ABCC5: variants seen among roughly 807,000 people sequenced by gnomAD.
ABCC5 encodes the protein ATP binding cassette subfamily C member 5, also known as ATP-binding cassette sub-family C member 5.
A neutral mutation model predicts 160.9 loss-of-function variants in ABCC5; 61 were observed. The observed-to-expected ratio is 0.38, with a 90% CI of 0.31 to 0.47. The LOEUF (loss-of-function observed/expected upper bound fraction) is 0.47. ABCC5 is among the 20% of genes least tolerant of loss of function. The pLI is 0.99. For synonymous variants in ABCC5, 666 were observed against 700.6 expected (o/e 0.95, Z 0.78); for missense variants, 1,308 against 1,813.3 (o/e 0.72, Z 5.06).
chr3:183,965,235 A>C lies in ABCC5; in HGVS notation c.1981T>G (p.Cys661Gly). 6.2e-7 allele frequency: 1 copy of C among 1,614,244 alleles called. No homozygotes were observed. Among genetic ancestry groups the C allele is most frequent in the Admixed American group, 1.7e-5 (1 of 60,034 alleles). Residue 661 changes from cysteine (C) to glycine (G), a missense_variant, in exon 14 of 30, where the codon TGC becomes GGC. Coordinates refer to ENST00000334444, the MANE Select transcript of ABCC5 (RefSeq NM_005688.4). ...EERYNSVLNS[C>G]CLRPDLAILP... ...ATGGCCAGGTCAGGCCTCAGGCAGC[A>C]GCTGTTCAGCACAGAGTTGTATCTG...
At chr3:184,015,090 T>C (rs1276599836) in intron 1 of ABCC5, among the ~76,000 whole-genome samples, 1 of 152,114 alleles carries the variant, frequency 6.6e-6, no homozygotes, top group Non-Finnish European at 1.5e-5. Context: ...AGTGAATACA[T>C]TGAAAAAAAA....
intron 10 of ABCC5, 69 bp from the exon 11 acceptor site, chr3:183,971,988 C>T (rs759695838): frequency 1.0e-5 from 16 of 1,603,286 alleles, no homozygotes; most frequent in South Asian, 3.3e-5. Context: ...AAGCCTAGGG[C>T]GTACACTCAC....
chr3:183,967,625 T>C, intron 12 of ABCC5, 70 bp downstream of exon 12: 1 of 1,346,860 alleles, frequency 7.4e-7, no homozygotes, highest in South Asian at 1.2e-5. Flanking sequence ...TCCAGGAAAT[T>C]TGTTCGTTTT....
At chr3:183,930,659 G>A (rs1274069023) in intron 26 of ABCC5, among the ~76,000 whole-genome samples, 5 of 152,150 alleles carry the variant, frequency 3.3e-5, no homozygotes, top group Admixed American at 3.3e-4. Flanking sequence ...AGGCCAGAGG[G>A]ATGCATCCAA....
Position 183,949,903 on chromosome 3 carries a change from T to G in ABCC5, c.3099-22A>C, listed in dbSNP as rs1225946533. On this transcript the variant is annotated intron_variant, in intron 21 of 29. Transcript: ENST00000334444. This position sits in a 1 kb window ranked among gnomAD's most constrained non-coding sequence, Gnocchi z 4.2. ...GACCCTGGAGAGAGAATGAGCTCCGTGTCACAGCACCTACCCAGCAACTGA... is the reference window on the plus strand; with the variant it reads ...GACCCTGGAGAGAGAATGAGCTCCGGGTCACAGCACCTACCCAGCAACTGA... 6.2e-7 allele frequency: 1 copy of G among 1,614,186 alleles called. No homozygotes were observed. The highest frequency in any genetic ancestry group is 8.5e-7 in the Non-Finnish European group (1 of 1,180,014).
intron 17 of ABCC5, among the ~76,000 whole-genome samples, chr3:183,956,191 A>T (rs1424327501): frequency 3.6e-3 from 261 of 71,912 alleles, no homozygotes; most frequent in Middle Eastern, 9.4e-3. Context: ...TCCGTGTGTA[A>T]ATCACATCGG....
intron 27 of ABCC5, among the ~76,000 whole-genome samples, chr3:183,928,125 T>A (rs1712781811): frequency 6.6e-6 from 1 of 151,956 alleles, no homozygotes; most frequent in Non-Finnish European, 1.5e-5. Context: ...TTTTTTTTTT[T>A]TTTTGAGACA....
chr3:183,921,494 A>G lies in ABCC5; in HGVS notation c.4213-93T>C. ...GCTCAGTAAGTGCCAGTGCCCTCTG[A>G]GGGTAGAATCTGGGGACAATTCAAC... is the stretch of plus-strand genomic sequence containing the variant. On this transcript the variant is annotated intron_variant, in intron 29 of 29. Coordinates refer to ENST00000334444, the MANE Select transcript of ABCC5 (RefSeq NM_005688.4). The surrounding 1 kb of genome is among the most constrained non-coding windows in gnomAD (Gnocchi z 4.1). The G allele has an allele frequency of 8.4e-7, 1 of 1,195,156 alleles. No individual in the cohort carries two copies. The highest frequency in any genetic ancestry group is 1.8e-5 in the South Asian group (1 of 56,192). The allele number at this position is 1,195,156 out of a possible 1,614,324, so 74.0% of individuals were successfully genotyped here.
At chr3:183,943,297 C>G (rs1714537136) in intron 24 of ABCC5, among the ~76,000 whole-genome samples, 1 of 152,172 alleles carries the variant, frequency 6.6e-6, no homozygotes, top group Non-Finnish European at 1.5e-5. Flanking sequence ...TAGGATTCTA[C>G]CATTTGATAA....
In ABCC5 at chr3:183,988,651, C is replaced by T; in HGVS notation, c.364G>A (p.Ala122Thr). ...FSWLSSLARV[A>T]HKKGELSMED... Reference sequence around the variant, plus strand: ...ATTGAGAGCTCCCCCTTCTTGTGGGCCACACGGGCCAGAGAAGAAAGCCAC... The same window carrying T: ...ATTGAGAGCTCCCCCTTCTTGTGGGTCACACGGGCCAGAGAAGAAAGCCAC... Residue 122 changes from alanine to threonine, a missense_variant, in exon 4 of 30, where the codon GCC (alanine) becomes ACC (threonine). Ala to Thr is a moderately conservative substitution (Grantham distance 58, BLOSUM62 0). Around this residue, in one of 3 missense-constraint regions of ABCC5, gnomAD observed 1,142 missense variants for 1,527.1 expected, o/e 0.75. Coordinates refer to ENST00000334444, the MANE Select transcript of ABCC5 (RefSeq NM_005688.4). This position sits in a 1 kb window ranked among gnomAD's most constrained non-coding sequence, Gnocchi z 4.4. 1 of 1,614,230 alleles carries T rather than the reference C, an allele frequency of 6.2e-7. No homozygotes were observed. Among genetic ancestry groups the T allele is most frequent in the Non-Finnish European group, 8.5e-7 (1 of 1,180,032 alleles).
chr3:183,982,324 A>G lies in ABCC5; in HGVS notation c.999+127T>C. The G allele has an allele frequency of 9.1e-7, 1 of 1,096,262 alleles. No homozygotes were observed. Among genetic ancestry groups the G allele is most frequent in the Non-Finnish European group, 1.3e-6 (1 of 774,144 alleles). The allele number at this position is 1,096,262 out of a possible 1,614,324, so 67.9% of individuals were successfully genotyped here. A position where few individuals can be genotyped will look rare whatever the true frequency, so the allele number is the denominator to read the frequency against. ...TAGAGCAAGCACTATCGAGCTCTAG[A>G]TTGAACCTGCTTTGAGGAAATTTCC... On this transcript the variant is annotated intron_variant, in intron 7 of 29. Transcript: ENST00000334444. This position sits in a 1 kb window ranked among gnomAD's most constrained non-coding sequence, Gnocchi z 5.2.
intron 12 of ABCC5, chr3:183,967,474 AAC>A (rs1415515340): frequency 5.7e-6 from 3 of 522,454 alleles, no homozygotes; most frequent in South Asian, 2.0e-5. Flanking sequence ...CAGCTGGGAC[AAC>A]AGTCAGTCAT....
At chr3:183,964,055 T>C (rs932357034) in intron 14 of ABCC5, among the ~76,000 whole-genome samples, 2 of 152,160 alleles carry the variant, frequency 1.3e-5, no homozygotes, top group African/African-American at 2.4e-5. Context: ...CCCTTCCACA[T>C]CCTGGGACCT....
At position 183,963,502 on chromosome 3, in the gene ABCC5, G is replaced by A. The variant is rs1345116266; in HGVS notation, c.2118C>T (p.Tyr706=). 1.9e-6 allele frequency: 3 copies of A among 1,614,258 alleles called. No individual in the cohort carries two copies. The highest frequency in any genetic ancestry group is 2.5e-6 in the Non-Finnish European group (3 of 1,180,052). The change falls in exon 15 of 30, where the codon TAC becomes TAT. Residue 706 remains tyrosine, a synonymous_variant. Coordinates refer to ENST00000334444, the MANE Select transcript of ABCC5 (RefSeq NM_005688.4). The surrounding 1 kb of genome is among the most constrained non-coding windows in gnomAD (Gnocchi z 4.6). The stretch of plus-strand genomic sequence containing the variant: ...AGGCACTGAGGGGGTCGTCCAGGAT[G>A]TAGATGCTCCTGTCACTATACAAGG... ...ARALYSDRSI[Y]ILDDPLSALD... is the part of the protein sequence containing the mutation.
In ABCC5 at chr3:183,942,566, C is replaced by A; in HGVS notation, c.3694+161G>T. On this transcript the variant is annotated intron_variant, in intron 25 of 29. Transcript: ENST00000334444. ...GACTGTGAAAAGCACTCAATGTCAT[C>A]AAAGTGGGGTCAACAATAAACCTAG... 5.8e-6 allele frequency: 5 copies of A among 865,812 alleles called. No individual in the cohort carries two copies. In the South Asian group the frequency reaches 7.1e-5, roughly 12 times the overall value. The allele number at this position is 865,812 out of a possible 1,614,324, so 53.6% of individuals were successfully genotyped here.
At chr3:183,923,858 T>C (rs1712246241) in intron 29 of ABCC5, among the ~76,000 whole-genome samples, 1 of 152,172 alleles carries the variant, frequency 6.6e-6, no homozygotes, top group Non-Finnish European at 1.5e-5. Context: ...TCAATTCAGC[T>C]TTGAAGCCCA....
At chr3:183,992,942 C>T (rs1719908764) in intron 2 of ABCC5, among the ~76,000 whole-genome samples, 1 of 152,120 alleles carries the variant, frequency 6.6e-6, no homozygotes, top group Non-Finnish European at 1.5e-5. Flanking sequence ...TAAGTAGGTA[C>T]TCCTATTACA....
At chr3:183,977,073 G>A (rs1718279388) in intron 10 of ABCC5, among the ~76,000 whole-genome samples, 1 of 152,208 alleles carries the variant, frequency 6.6e-6, no homozygotes, top group South Asian at 2.1e-4. Flanking sequence ...TGCATCGTGA[G>A]TAGCACCACA....
chr3:183,972,165 T>A, intron 10 of ABCC5: 2 of 692,728 alleles, frequency 2.9e-6, no homozygotes, highest in Non-Finnish European at 5.0e-6. Flanking sequence ...ACAAATTACA[T>A]GCTAAACTGC....
Sources: allele counts gnomAD v4.1 joint callset (sites outside exome capture counted in the v4.1 genomes callset), GRCh38; gene constraint gnomAD v4.1.1; regional missense constraint gnomAD v4.1.1; non-coding constraint Gnocchi (gnomAD v3.1); transcripts MANE v1.5; gene names NCBI Gene and HGNC (gene_info 2026-07-23, HGNC 2026-07-21).